Variants in AGPAT3 observed in about 807,000 individuals in gnomAD.
AGPAT3 encodes the protein 1-acyl-sn-glycerol-3-phosphate acyltransferase gamma.
In AGPAT3, 5 loss-of-function variants were observed where a neutral mutation model predicts 47.3. The observed-to-expected ratio is 0.11, with a 90% CI of 0.06 to 0.22. The LOEUF is 0.22. Among genes scored for constraint, AGPAT3 ranks in the 10% least tolerant of loss-of-function variants. The pLI is 1.00. For missense variants in AGPAT3, 315 were observed against 493.0 expected, an observed-to-expected ratio of 0.64 and a Z score of 3.42; for synonymous variants, 212 against 208.3, an observed-to-expected ratio of 1.02 and a Z score of -0.15.
At chr21:43,953,321 G>A (rs1380410870) in intron 2 of AGPAT3, among the ~76,000 whole-genome samples, 4 of 152,184 alleles carry the variant, frequency 2.6e-5, no homozygotes, top group South Asian at 2.1e-4. Flanking sequence ...CGGGATGTTC[G>A]GCAGTATTCT....
chr21:43,882,380 T>TG (rs2085873135), intron 1 of AGPAT3, among the ~76,000 whole-genome samples: 1 of 152,266 alleles, frequency 6.6e-6, no homozygotes, highest in Admixed American at 6.5e-5. Context: ...TGGAAACTCT[T>TG]GCACGCGTTT....
chr21:43,964,898 A>G (rs1433988982), intron 3 of AGPAT3: 1 of 153,350 alleles, frequency 6.5e-6, no homozygotes, highest in African/African-American at 2.4e-5. Flanking sequence ...TCAGGGGCGC[A>G]TGGTGAGAGC....
chr21:43,971,653 C>T (rs1676084601), intron 7 of AGPAT3, among the ~76,000 whole-genome samples, 163 bp downstream of exon 7: 1 of 152,234 alleles, frequency 6.6e-6, no homozygotes, highest in African/African-American at 2.4e-5. Flanking sequence ...GCTGAGCAGA[C>T]ACAGGAGAGG....
intron 2 of AGPAT3, among the ~76,000 whole-genome samples, chr21:43,944,106 A>G (rs558776725): frequency 6.6e-6 from 1 of 152,356 alleles, no homozygotes; most frequent in South Asian, 2.1e-4. Context: ...TCTCGGGCCA[A>G]GTATGGAAAC....
At chr21:43,899,160 G>A (rs1470610816) in intron 1 of AGPAT3, among the ~76,000 whole-genome samples, 1 of 54,076 alleles carries the variant, frequency 1.8e-5, no homozygotes, top group Non-Finnish European at 3.0e-5. Flanking sequence ...TGCTGGTGGC[G>A]AACCCGCCCC....
intron 3 of AGPAT3, among the ~76,000 whole-genome samples, chr21:43,961,646 G>C (rs2329631): frequency 6.9e-6 from 1 of 144,012 alleles, no homozygotes; most frequent in Non-Finnish European, 1.5e-5. Context: ...GCGCGTATAC[G>C]CTTTGTCTCA....
At chr21:43,904,063 AGAGTGTGTGTGT>A (rs1378391096) in intron 2 of AGPAT3, 44 bp downstream of exon 2, 14 of 76,886 alleles carry the variant, frequency 1.8e-4, no homozygotes, top group African/African-American at 7.3e-4. Flanking sequence ...GCCGTGTGTG[AGAGTGTGTGTGT>A]GTGTGTGTGT....
chr21:43,937,902 TAGA>T (rs894109341), intron 2 of AGPAT3, among the ~76,000 whole-genome samples: 1 of 152,270 alleles, frequency 6.6e-6, no homozygotes, highest in Non-Finnish European at 1.5e-5. Flanking sequence ...AGGTTCTTGT[TAGA>T]AGAAGTGCCA....
intron 1 of AGPAT3, among the ~76,000 whole-genome samples, chr21:43,868,634 A>G (rs917839057): frequency 1.3e-5 from 2 of 152,198 alleles, no homozygotes; most frequent in Admixed American, 1.3e-4. Flanking sequence ...TCGATTACTC[A>G]CCCCTGACTG....
At chr21:43,969,045 C>T (rs985395935) in intron 4 of AGPAT3, 73 bp from the exon 5 acceptor site, 41 of 1,513,772 alleles carry the variant, frequency 2.7e-5, no homozygotes, top group Middle Eastern at 2.0e-4. Flanking sequence ...CTGGGTGCAG[C>T]GGGAGCCTGG....
chr21:43,962,029 C>CT (rs1253207856), intron 3 of AGPAT3, among the ~76,000 whole-genome samples: 1 of 146,488 alleles, frequency 6.8e-6, no homozygotes, highest in East Asian at 2.0e-4. Flanking sequence ...GAGACTGAGT[C>CT]TCGCTCTGTT....
At chr21:43,917,555 C>T (rs1179422086) in intron 2 of AGPAT3, among the ~76,000 whole-genome samples, 10 of 152,102 alleles carry the variant, frequency 6.6e-5, no homozygotes, top group Non-Finnish European at 1.3e-4. Flanking sequence ...AAGAGCACGT[C>T]GGGTATAAAG....
chr21:43,899,447 T>G (rs2086301015), intron 1 of AGPAT3, among the ~76,000 whole-genome samples: 1 of 152,134 alleles, frequency 6.6e-6, no homozygotes, highest in Non-Finnish European at 1.5e-5. Flanking sequence ...GGGAAGATGT[T>G]TGTAAATCAC....
chr21:43,895,215 C>T (rs562310006), intron 1 of AGPAT3, among the ~76,000 whole-genome samples: 1 of 152,026 alleles, frequency 6.6e-6, no homozygotes, highest in Admixed American at 6.5e-5. Flanking sequence ...AGCGATTCTC[C>T]TGCCTCAGCC....
chr21:43,883,599 G>GT (rs1163929648), intron 1 of AGPAT3, among the ~76,000 whole-genome samples: 1 of 152,060 alleles, frequency 6.6e-6, no homozygotes, highest in African/African-American at 2.4e-5. Context: ...GTTTTGTTTT[G>GT]TTTTTTGTTT....
chr21:43,880,603 A>C lies in AGPAT3; in HGVS notation c.-112+15258A>C, dbSNP rs569147411. On this transcript the variant is annotated intron_variant, in intron 1 of 9. Coordinates refer to ENST00000291572, the MANE Select transcript of AGPAT3 (RefSeq NM_020132.5). This position sits in a 1 kb window ranked among gnomAD's most constrained non-coding sequence, Gnocchi z 4.5. ...TGCCACTGAGTGTGGGATGGGTCAC[A>C]GCTATGTCTGTGGCCTTTTGCAAAT... Among the ~76,000 whole-genome samples, 2 of 152,336 alleles carry C rather than the reference A, an allele frequency of 1.3e-5. No homozygotes were observed. Among genetic ancestry groups the C allele is most frequent in the East Asian group, 3.9e-4 (2 of 5,186 alleles).
At chr21:43,881,382 C>A (rs1385539072) in intron 1 of AGPAT3, among the ~76,000 whole-genome samples, 2 of 152,178 alleles carry the variant, frequency 1.3e-5, no homozygotes, top group African/African-American at 2.4e-5. Flanking sequence ...TCTTAACATG[C>A]AGACAGAAAA....
chr21:43,915,205 C>T (rs2086701201), intron 2 of AGPAT3, among the ~76,000 whole-genome samples: 2 of 151,450 alleles, frequency 1.3e-5, no homozygotes, highest in African/African-American at 2.4e-5. Flanking sequence ...GTGCGCGCCA[C>T]CATGCCCGGC....
At chr21:43,980,919 C>A (rs1358644790) in intron 8 of AGPAT3, 70 bp from the exon 9 acceptor site, 200 of 1,219,352 alleles carry the variant, frequency 1.6e-4, no homozygotes, top group Non-Finnish European at 1.5e-4. Context: ...TGCCAACAAT[C>A]TTCTCCTGCA....
Sources: allele counts gnomAD v4.1 joint callset (sites outside exome capture counted in the v4.1 genomes callset), GRCh38; gene constraint gnomAD v4.1.1; non-coding constraint Gnocchi (gnomAD v3.1); transcripts MANE v1.5; gene names NCBI Gene and HGNC (gene_info 2026-07-23, HGNC 2026-07-21).